PLPP1: variants seen among roughly 807,000 people sequenced by gnomAD.
PLPP1 encodes lipid phosphate phosphohydrolase 1a.
A neutral mutation model predicts 31.2 loss-of-function variants in PLPP1; 24 were observed. The ratio of observed to expected loss-of-function variants is 0.77; its 90% confidence interval spans 0.56 to 1.08. PLPP1 has a LOEUF of 1.08. Among genes scored for constraint, PLPP1 ranks in the 50% least tolerant of loss-of-function variants. The pLI is 0.00. For missense variants in PLPP1, 319 were observed against 342.7 expected (o/e 0.93, Z 0.55); for synonymous variants, 146 against 126.3 (o/e 1.16, Z -1.05).
chr5:55,438,896 G>A (rs1349133407), intron 4 of PLPP1, among the ~76,000 whole-genome samples: 3 of 149,016 alleles, frequency 2.0e-5, no homozygotes, highest in East Asian at 3.9e-4. Context: ...GCAAGACTCC[G>A]TCTAAAAAAA....
At chr5:55,530,390 G>A (rs1419019497) in intron 1 of PLPP1, 2 of 1,298,510 alleles carry the variant, frequency 1.5e-6, no homozygotes, top group Non-Finnish European at 2.2e-6. Flanking sequence ...AACGCTCTCT[G>A]GTAAAATTTG....
intron 1 of PLPP1, among the ~76,000 whole-genome samples, chr5:55,492,812 C>T (rs1254262270): frequency 1.3e-5 from 2 of 152,190 alleles, no homozygotes; most frequent in East Asian, 3.9e-4. Context: ...GTTGTTGAAG[C>T]TTAGAGAAAT....
chr5:55,497,914 C>T (rs1753037419), intron 1 of PLPP1, among the ~76,000 whole-genome samples: 2 of 152,070 alleles, frequency 1.3e-5, no homozygotes, highest in African/African-American at 4.8e-5. Context: ...TCTCCTCCTG[C>T]CAGTGCTATC....
chr5:55,478,171 A>C (rs941566590), intron 1 of PLPP1, among the ~76,000 whole-genome samples: 5 of 152,156 alleles, frequency 3.3e-5, no homozygotes, highest in Non-Finnish European at 7.4e-5. Flanking sequence ...CCCCCTGACC[A>C]CAAAAACCAT....
intron 5 of PLPP1, 86 bp downstream of exon 5, chr5:55,425,777 T>C: frequency 8.1e-7 from 1 of 1,233,798 alleles, no homozygotes; most frequent in Non-Finnish European, 1.1e-6. Flanking sequence ...TCTCCTCAGC[T>C]GGGGATTTTT....
intron 1 of PLPP1, among the ~76,000 whole-genome samples, chr5:55,511,647 TGAG>T (rs1461225488): frequency 2.1e-5 from 3 of 140,924 alleles, no homozygotes; most frequent in South Asian, 2.3e-4. Context: ...TAACACGTGT[TGAG>T]TTTTTTTTTT....
intron 3 of PLPP1, among the ~76,000 whole-genome samples, chr5:55,458,671 TG>T (rs533207747): frequency 4.0e-4 from 61 of 151,966 alleles, no homozygotes; most frequent in Non-Finnish European, 8.1e-4. Context: ...GTGGATCACC[TG>T]AAGTCAGGAG....
chr5:55,532,798 A>AATACGAAAG (rs1297366474), intron 1 of PLPP1, among the ~76,000 whole-genome samples: 1 of 152,038 alleles, frequency 6.6e-6, no homozygotes. Context: ...CTCTACTAAA[A>AATACGAAAG]ATACGAAAGT....
At chr5:55,435,323 G>C (rs1040678688) in intron 4 of PLPP1, among the ~76,000 whole-genome samples, 3 of 152,204 alleles carry the variant, frequency 2.0e-5, no homozygotes, top group Admixed American at 6.5e-5. Flanking sequence ...GAGAAATGCA[G>C]AAAAGGGGGC....
intron 1 of PLPP1, among the ~76,000 whole-genome samples, chr5:55,506,842 A>T (rs1011825381): frequency 6.6e-6 from 1 of 152,218 alleles, no homozygotes; most frequent in African/African-American, 2.4e-5. Flanking sequence ...AAAGGTTAGA[A>T]GTAAATAAAA....
At chr5:55,488,922 G>T (rs1226144988) in intron 1 of PLPP1, among the ~76,000 whole-genome samples, 1 of 152,080 alleles carries the variant, frequency 6.6e-6, no homozygotes, top group Non-Finnish European at 1.5e-5. Context: ...CCAGCTACTT[G>T]AGAGGCTGAG....
At chr5:55,475,075 G>C (rs1424252841) in intron 2 of PLPP1, among the ~76,000 whole-genome samples, 2 of 151,748 alleles carry the variant, frequency 1.3e-5, no homozygotes, top group Non-Finnish European at 2.9e-5. Flanking sequence ...CGAGTAGCTG[G>C]GACTACAGGC....
At chr5:55,512,507 AAAAGAAAAGAAAGAAAGAAAG>A (rs1247604448) in intron 1 of PLPP1, among the ~76,000 whole-genome samples, 229 of 13,636 alleles carry the variant, frequency 0.017, 7 homozygotes, top group African/African-American at 0.038. Flanking sequence ...AAAAGAAAAG[AAAAGAAAAGAAAGAAAGAAAG>A]AAAGAAAGAA....
chr5:55,447,126 CG>C (rs534861509), intron 3 of PLPP1, among the ~76,000 whole-genome samples: 38 of 152,298 alleles, frequency 2.5e-4, no homozygotes, highest in African/African-American at 9.1e-4. Flanking sequence ...TCATGTAGCA[CG>C]TTTAGCTGAA....
At chr5:55,439,579 A>G (rs1191145783) in intron 4 of PLPP1, among the ~76,000 whole-genome samples, 1 of 152,160 alleles carries the variant, frequency 6.6e-6, no homozygotes, top group Non-Finnish European at 1.5e-5. Context: ...TTACCACACT[A>G]TGGTTGACAT....
At chr5:55,534,512 G>C (rs1393684254) in intron 1 of PLPP1, 60 bp downstream of exon 1, 1 of 1,481,242 alleles carries the variant, frequency 6.8e-7, no homozygotes, top group African/African-American at 1.5e-5. Context: ...TCGCGGCTCT[G>C]CGCTAAAGCC....
intron 1 of PLPP1, among the ~76,000 whole-genome samples, chr5:55,498,142 G>A (rs936445105): frequency 6.6e-6 from 1 of 152,044 alleles, no homozygotes; most frequent in Non-Finnish European, 1.5e-5. Context: ...TCTATATTAA[G>A]ACTACATATT....
intron 2 of PLPP1, among the ~76,000 whole-genome samples, chr5:55,472,748 AGAGGAAGAGGAAGAAGAAGAG>A (rs1752447800): frequency 2.0e-4 from 1 of 4,912 alleles, no homozygotes; most frequent in South Asian, 0.019. Context: ...AAGAGGAAGA[AGAGGAAGAGGAAGAAGAAGAG>A]GAAGAGGAAG....
intron 3 of PLPP1, among the ~76,000 whole-genome samples, chr5:55,466,540 T>G (rs375014215): frequency 6.6e-6 from 1 of 151,808 alleles, no homozygotes; most frequent in Non-Finnish European, 1.5e-5. Context: ...CCGTCTCTAC[T>G]AAAAATACAA....
Sources: allele counts gnomAD v4.1 joint callset (sites outside exome capture counted in the v4.1 genomes callset), GRCh38; gene constraint gnomAD v4.1.1; transcripts MANE v1.5; gene names NCBI Gene and HGNC (gene_info 2026-07-23, HGNC 2026-07-21).